The following GANC variants were observed in gnomAD, a reference collection of about 807,000 sequenced individuals.
GANC encodes glucosidase alpha, neutral C, also known as neutral alpha-glucosidase C.
Under a neutral mutation model 124.2 loss-of-function variants are expected in GANC, and 117 were observed. That is an observed-to-expected ratio of 0.94 (90% CI 0.81 to 1.10). The LOEUF is 1.10. GANC is among the 50% of genes least tolerant of loss of function. The pLI is 0.00. For missense variants in GANC, 1,140 were observed against 1,095.0 expected, an observed-to-expected ratio of 1.04 and a Z score of -0.58; for synonymous variants, 377 against 376.8, an observed-to-expected ratio of 1.00 and a Z score of -0.01.
intron 10 of GANC, among the ~76,000 whole-genome samples, chr15:42,317,388 G>T (rs114561494): frequency 6.6e-6 from 1 of 152,110 alleles, no homozygotes; most frequent in Non-Finnish European, 1.5e-5. Context: ...ATGAGAGGGG[G>T]CTGAGAGGTG....
intron 6 of GANC, among the ~76,000 whole-genome samples, chr15:42,304,125 T>C (rs912135102): frequency 2.6e-5 from 4 of 151,944 alleles, no homozygotes; most frequent in African/African-American, 4.8e-5. Flanking sequence ...CCTCAGCAAA[T>C]GGAAAATAAC....
chr15:42,327,409 G>A lies in GANC; in HGVS notation c.1467G>A (p.Trp489Ter). 6.2e-7 allele frequency: 1 copy of A among 1,613,568 alleles called. No individual in the cohort carries two copies. The highest frequency in any genetic ancestry group is 1.3e-5 in the African/African-American group (1 of 75,030). The part of the protein sequence containing the change: ...LDFTNPKVRE[W>*]YSSLFAFPVY... ...TCACCAATCCCAAGGTCAGAGAGTG[G>A]TATTCAAGTCTTTTTGCTTTCCCTG... The change falls in exon 13 of 24, where the codon TGG becomes TGA. Residue 489 changes from tryptophan to a stop codon, truncating the protein, a stop_gained. Transcript: ENST00000318010. LOFTEE classifies it high-confidence loss of function.
At chr15:42,283,643 TC>T in intron 3 of GANC, 1 of 702,528 alleles carries the variant, frequency 1.4e-6, no homozygotes, top group Admixed American at 2.0e-5. Flanking sequence ...AGACAACACT[TC>T]CAGCAGCTTC....
At chr15:42,287,199 A>G (rs1163540878) in intron 3 of GANC, among the ~76,000 whole-genome samples, 2 of 152,128 alleles carry the variant, frequency 1.3e-5, no homozygotes, top group Admixed American at 6.5e-5. Flanking sequence ...TTCATCCACC[A>G]CTAGAGAACT....
intron 13 of GANC, 191 bp downstream of exon 13, chr15:42,327,633 G>A: frequency 2.0e-6 from 1 of 512,476 alleles, no homozygotes; most frequent in Non-Finnish European, 3.5e-6. Context: ...ATAAGCAAAT[G>A]CACAAAACCT....
intron 4 of GANC, among the ~76,000 whole-genome samples, chr15:42,289,888 G>A (rs1025649458): frequency 6.6e-6 from 1 of 152,154 alleles, no homozygotes; most frequent in Non-Finnish European, 1.5e-5. Flanking sequence ...GGGTGCCCTT[G>A]TAAGAAGAGG....
intron 11 of GANC, among the ~76,000 whole-genome samples, chr15:42,325,038 C>T (rs2052187235): frequency 2.0e-5 from 3 of 151,342 alleles, no homozygotes; most frequent in African/African-American, 4.9e-5. Flanking sequence ...CCGAGGTGAG[C>T]AGATCACCTG....
At chr15:42,301,113 G>C (rs2051941939) in intron 6 of GANC, among the ~76,000 whole-genome samples, 1 of 152,100 alleles carries the variant, frequency 6.6e-6, no homozygotes, top group Non-Finnish European at 1.5e-5. Context: ...CTGCCAGCAA[G>C]ATCAACACAG....
chr15:42,278,004 T>C (rs1361354052), intron 2 of GANC: 2 of 377,874 alleles, frequency 5.3e-6, no homozygotes, highest in Admixed American at 5.2e-5. Flanking sequence ...CTTTCTAACA[T>C]ATTCCCTCTC....
chr15:42,326,274 C>T, intron 11 of GANC, 24 bp from the exon 12 acceptor site: 1 of 1,553,528 alleles, frequency 6.4e-7, no homozygotes, highest in Non-Finnish European at 8.9e-7. Flanking sequence ...CTGATGAGAC[C>T]TCCAAACCTT....
At chr15:42,308,101 T>G in intron 7 of GANC, 121 bp from the exon 8 acceptor site, 1 of 583,990 alleles carries the variant, frequency 1.7e-6, no homozygotes, top group East Asian at 2.6e-5. Context: ...TGCTAATTGA[T>G]CTAGGTGAGC....
At chr15:42,300,970 A>G (rs1488845584) in intron 6 of GANC, among the ~76,000 whole-genome samples, 3 of 151,532 alleles carry the variant, frequency 2.0e-5, no homozygotes, top group African/African-American at 7.3e-5. Flanking sequence ...GTGAGCCAAG[A>G]TGATGCCATT....
intron 3 of GANC, chr15:42,283,894 C>T (rs1447146935): frequency 1.4e-6 from 1 of 702,612 alleles, no homozygotes; most frequent in Non-Finnish European, 2.6e-6. Context: ...GGGAACAGGC[C>T]AGTGCCCAGC....
chr15:42,273,318 G>A lies in GANC; in HGVS notation c.-1164G>A, dbSNP rs368577068. 1.2e-6 allele frequency: 2 copies of A among 1,614,098 alleles called. No homozygotes were observed. Among genetic ancestry groups the A allele is most frequent in the Non-Finnish European group, 1.7e-6 (2 of 1,180,036 alleles). On this transcript the variant is annotated 5_prime_UTR_variant, in exon 1 of 24. Coordinates refer to ENST00000318010, the MANE Select transcript of GANC (RefSeq NM_198141.3). ...CAGCTACGGTTGCCGGTCCCGCACT[G>A]AAAAACGACAGTGGTGACGGGTGAG... is the stretch of plus-strand genomic sequence containing the variant.
chr15:42,315,573 G>A (rs547306076), intron 10 of GANC, among the ~76,000 whole-genome samples: 2 of 152,278 alleles, frequency 1.3e-5, no homozygotes, highest in East Asian at 3.9e-4. Context: ...AGAAAAGTTT[G>A]GCATTTCCTC....
In GANC at chr15:42,351,412, CT is replaced by C; in HGVS notation, c.2616del (p.Val873Ter). On this transcript the variant is annotated frameshift_variant, in exon 23 of 24. Coordinates refer to ENST00000318010, the MANE Select transcript of GANC (RefSeq NM_198141.3). LOFTEE classifies it high-confidence loss of function. ...LVLGFRKEPS[S>X]VTTHSSDGKD... ...TTAGGCTTCAGGAAGGAGCCATCTT[CT>C]GTGACTACCCACTCATCTGGTGAGA... 1 of 1,613,100 alleles carries C rather than the reference CT, an allele frequency of 6.2e-7. No individual in the cohort carries two copies. Among genetic ancestry groups the C allele is most frequent in the Non-Finnish European group, 8.5e-7 (1 of 1,179,072 alleles).
At chr15:42,335,266 C>T (rs912789526) in intron 15 of GANC, among the ~76,000 whole-genome samples, 2 of 152,088 alleles carry the variant, frequency 1.3e-5, no homozygotes, top group African/African-American at 4.8e-5. Flanking sequence ...GCTTATCCAC[C>T]GTGATCAAGA....
chr15:42,323,110 A>C (rs1595778246), intron 11 of GANC, among the ~76,000 whole-genome samples: 1 of 152,218 alleles, frequency 6.6e-6, no homozygotes, highest in East Asian at 1.9e-4. Context: ...CAAAACTATA[A>C]GGTAGGTCTT....
intron 15 of GANC, among the ~76,000 whole-genome samples, chr15:42,337,167 TAA>T (rs1197435687): frequency 6.6e-6 from 1 of 152,150 alleles, no homozygotes; most frequent in Non-Finnish European, 1.5e-5. Context: ...CATTCTGTCA[TAA>T]AGACACATGC....
Sources: allele counts gnomAD v4.1 joint callset (sites outside exome capture counted in the v4.1 genomes callset), GRCh38; gene constraint gnomAD v4.1.1; transcripts MANE v1.5; gene names NCBI Gene and HGNC (gene_info 2026-07-23, HGNC 2026-07-21).